PTCHD4: variants seen among roughly 807,000 people sequenced by gnomAD.
The protein encoded by PTCHD4 is patched domain containing 4, also known as patched domain-containing protein 4.
PTCHD4 carries 33 observed loss-of-function variants against 58.1 expected under a neutral mutation model. That is an observed-to-expected ratio of 0.57 (90% confidence interval 0.43 to 0.76). PTCHD4 has a LOEUF of 0.76. PTCHD4 is among the 30% of genes least tolerant of loss of function. The pLI is 0.00. For synonymous variants in PTCHD4, 478 were observed against 409.6 expected, an observed-to-expected ratio of 1.17 and a Z score of -2.02; for missense variants, 1,058 against 1,027.1, an observed-to-expected ratio of 1.03 and a Z score of -0.41.
intron 4 of PTCHD4, among the ~76,000 whole-genome samples, chr6:47,959,971 A>G (rs1000500972): frequency 6.6e-6 from 1 of 152,082 alleles, no homozygotes; most frequent in African/African-American, 2.4e-5. Context: ...TTAATATTTT[A>G]AGAAGATAGT....
intron 4 of PTCHD4, among the ~76,000 whole-genome samples, chr6:47,953,314 C>A (rs1766727077): frequency 6.6e-6 from 1 of 152,206 alleles, no homozygotes; most frequent in African/African-American, 2.4e-5. Flanking sequence ...AGTTAACCAC[C>A]TTGCTTTGTG....
intron 1 of PTCHD4, among the ~76,000 whole-genome samples, chr6:48,081,071 G>A (rs1405114679): frequency 7.2e-5 from 11 of 152,092 alleles, no homozygotes; most frequent in Admixed American, 5.9e-4. Flanking sequence ...TGGAAACCAC[G>A]TTTATTCAAT....
chr6:47,901,892 A>G (rs1049608751), intron 4 of PTCHD4: 2 of 1,303,602 alleles, frequency 1.5e-6, no homozygotes, highest in African/African-American at 3.0e-5. Context: ...TCTTTCTTCC[A>G]AACTAAATTT....
intron 3 of PTCHD4, among the ~76,000 whole-genome samples, chr6:48,067,680 T>G (rs1764845821): frequency 6.6e-6 from 1 of 152,148 alleles, no homozygotes; most frequent in East Asian, 1.9e-4. Flanking sequence ...TAATCAGTAA[T>G]AAGAAATACA....
At chr6:47,902,520 G>C (rs189304668) in intron 4 of PTCHD4, among the ~76,000 whole-genome samples, 4 of 152,272 alleles carry the variant, frequency 2.6e-5, no homozygotes, top group Admixed American at 2.6e-4. Context: ...AATGATTCTA[G>C]AACCCAGAAA....
intron 4 of PTCHD4, among the ~76,000 whole-genome samples, chr6:48,005,783 T>C (rs919406780): frequency 1.3e-5 from 2 of 152,224 alleles, no homozygotes; most frequent in Non-Finnish European, 2.9e-5. Flanking sequence ...ACTTCAAAGA[T>C]GAAACAAATT....
intron 3 of PTCHD4, among the ~76,000 whole-genome samples, chr6:48,029,806 T>A (rs530347323): frequency 6.6e-6 from 1 of 152,206 alleles, no homozygotes; most frequent in South Asian, 2.1e-4. Context: ...TACTTGAAAA[T>A]GATGCATAAA....
intron 4 of PTCHD4, among the ~76,000 whole-genome samples, chr6:47,903,241 AT>A (rs1409334278): frequency 6.6e-6 from 1 of 152,204 alleles, no homozygotes; most frequent in African/African-American, 2.4e-5. Flanking sequence ...TTGTGATAGT[AT>A]CTTCGTTCAG....
intron 3 of PTCHD4, among the ~76,000 whole-genome samples, chr6:48,026,242 T>C (rs543165679): frequency 3.0e-4 from 45 of 152,308 alleles, no homozygotes; most frequent in African/African-American, 1.1e-3. Context: ...TAGAAGTCTT[T>C]CTTCCTGGCT....
chr6:48,040,945 T>C (rs1488039066), intron 3 of PTCHD4, among the ~76,000 whole-genome samples: 1 of 152,114 alleles, frequency 6.6e-6, no homozygotes, highest in Non-Finnish European at 1.5e-5. Flanking sequence ...TTTTATTGTA[T>C]TCAGAGATGT....
At chr6:47,991,166 A>G (rs1271571127) in intron 4 of PTCHD4, among the ~76,000 whole-genome samples, 4 of 152,164 alleles carry the variant, frequency 2.6e-5, no homozygotes, top group African/African-American at 7.2e-5. Context: ...AAGAGGTTCA[A>G]TGAATCCTCA....
At chr6:48,004,974 G>A (rs1433255786) in intron 4 of PTCHD4, among the ~76,000 whole-genome samples, 1 of 152,138 alleles carries the variant, frequency 6.6e-6, no homozygotes, top group Admixed American at 6.5e-5. Flanking sequence ...TCTCTAGAGA[G>A]ACTGCATGCA....
At chr6:47,952,653 T>C (rs1766698485) in intron 4 of PTCHD4, among the ~76,000 whole-genome samples, 1 of 152,136 alleles carries the variant, frequency 6.6e-6, no homozygotes, top group Non-Finnish European at 1.5e-5. Flanking sequence ...GATATGCAAA[T>C]GCTTATCACT....
intron 4 of PTCHD4, among the ~76,000 whole-genome samples, chr6:47,978,161 T>C (rs913854525): frequency 1.3e-5 from 2 of 152,118 alleles, no homozygotes; most frequent in Non-Finnish European, 2.9e-5. Flanking sequence ...TCTTCCTCCT[T>C]CTCTTGATTC....
chr6:47,966,133 G>T (rs1228874313), intron 4 of PTCHD4, among the ~76,000 whole-genome samples: 1 of 152,164 alleles, frequency 6.6e-6, no homozygotes, highest in Non-Finnish European at 1.5e-5. Context: ...GTTTGGCTCT[G>T]TTTACACAAA....
chr6:48,045,767 A>AT (rs200422547), intron 3 of PTCHD4, among the ~76,000 whole-genome samples: 7,115 of 148,006 alleles, frequency 0.048, 208 homozygotes, highest in Non-Finnish European at 0.059. Context: ...GATTCCAGAG[A>AT]TTTTTTTTTT....
At chr6:48,035,124 G>A (rs1582054677) in intron 3 of PTCHD4, among the ~76,000 whole-genome samples, 1 of 152,030 alleles carries the variant, frequency 6.6e-6, no homozygotes, top group Admixed American at 6.6e-5. Flanking sequence ...TATTTGTGTA[G>A]TAGATGAATA....
intron 4 of PTCHD4, among the ~76,000 whole-genome samples, chr6:47,963,053 C>T (rs936264023): frequency 7.9e-5 from 12 of 151,690 alleles, no homozygotes; most frequent in Middle Eastern, 3.4e-3. Context: ...TGCTTGAACC[C>T]GGGAGGCAGA....
intron 4 of PTCHD4, among the ~76,000 whole-genome samples, chr6:47,908,703 C>T (rs945084572): frequency 1.6e-4 from 25 of 152,108 alleles, no homozygotes; most frequent in African/African-American, 6.0e-4. Flanking sequence ...TAAGGAATGT[C>T]ATGGTTTTTA....
Sources: allele counts gnomAD v4.1 joint callset (sites outside exome capture counted in the v4.1 genomes callset), GRCh38; gene constraint gnomAD v4.1.1; transcripts MANE v1.5; gene names NCBI Gene and HGNC (gene_info 2026-07-23, HGNC 2026-07-21).